The following PARVB variants were observed in gnomAD, a reference collection of about 807,000 sequenced individuals.
The protein encoded by PARVB is parvin beta.
In PARVB, 46 loss-of-function variants were observed where a neutral mutation model predicts 47.0. That is an observed-to-expected ratio of 0.98 (90% confidence interval 0.77 to 1.25). The LOEUF (loss-of-function observed/expected upper bound fraction) is 1.25. Ranked by LOEUF, PARVB falls within the 50% of genes most tolerant of loss-of-function variation. PARVB has a pLI of 0.00. For synonymous variants in PARVB, 196 were observed against 196.3 expected (o/e 1.00, Z 0.01); for missense variants, 473 against 471.6 (o/e 1.00, Z -0.03).
intron 1 of PARVB, among the ~76,000 whole-genome samples, chr22:44,085,446 A>G (rs1388328732): frequency 6.6e-6 from 1 of 152,094 alleles, no homozygotes; most frequent in East Asian, 1.9e-4. Flanking sequence ...CTGGGACTAC[A>G]GATTCACACC....
At chr22:44,073,437 T>A (rs2051697972) in intron 1 of PARVB, among the ~76,000 whole-genome samples, 1 of 152,160 alleles carries the variant, frequency 6.6e-6, no homozygotes, top group Admixed American at 6.5e-5. Context: ...GAGGTTGCGG[T>A]GAGCGGAGGT....
intron 5 of PARVB, 56 bp from the exon 6 acceptor site, chr22:44,132,838 C>T (rs2053357681): frequency 2.5e-6 from 3 of 1,192,190 alleles, no homozygotes; most frequent in South Asian, 2.5e-5. Flanking sequence ...TGCACGTGGG[C>T]TCAGGTTCCT....
chr22:44,130,972 G>A (rs1419737593), intron 4 of PARVB, among the ~76,000 whole-genome samples: 4 of 148,704 alleles, frequency 2.7e-5, no homozygotes, highest in Admixed American at 1.4e-4. Context: ...GCCCCGCTTC[G>A]GGGACCTCCT....
At chr22:44,028,483 G>A (rs1006811881) in intron 1 of PARVB, among the ~76,000 whole-genome samples, 8 of 152,094 alleles carry the variant, frequency 5.3e-5, no homozygotes, top group Admixed American at 5.2e-4. Context: ...GGGCTTGGTA[G>A]CTCATTCCTT....
At chr22:44,092,350 C>G (rs1345493442) in intron 1 of PARVB, among the ~76,000 whole-genome samples, 1 of 152,176 alleles carries the variant, frequency 6.6e-6, no homozygotes. Context: ...ACCTCGTGAT[C>G]CACCTGCCTC....
chr22:44,099,283 G>A (rs1268045932), intron 2 of PARVB, among the ~76,000 whole-genome samples: 3 of 152,146 alleles, frequency 2.0e-5, no homozygotes, highest in Non-Finnish European at 2.9e-5. Context: ...AGAGGTGCTC[G>A]GCGCCCGCTG....
Position 44,066,507 on chromosome 22 carries a change from T to C in PARVB, c.113-27421T>C, listed in dbSNP as rs115353745. Among the ~76,000 whole-genome samples, 1,085 of 152,274 alleles carry C rather than the reference T, an allele frequency of 7.1e-3. 14 individuals are homozygous for C. Among genetic ancestry groups the C allele is most frequent in the African/African-American group, 0.024 (1,000 of 41,546 alleles). On this transcript the variant is annotated intron_variant, in intron 1 of 12. Transcript: ENST00000338758. Reference sequence around the variant, plus strand: ...GTATTTATGCATGTATTGACTTTTCTCCCACTTTGATAGCTTGAAGGCAGG... The same window carrying C: ...GTATTTATGCATGTATTGACTTTTCCCCCACTTTGATAGCTTGAAGGCAGG...
chr22:44,057,091 C>T (rs1435063712), intron 1 of PARVB, among the ~76,000 whole-genome samples: 1 of 145,812 alleles, frequency 6.9e-6, no homozygotes, highest in Non-Finnish European at 1.5e-5. Context: ...CTCTCTCTCT[C>T]TTTTTTTTTT....
exon 1 of PARVB, chr22:43,999,231 G>T (rs1312290591): frequency 2.4e-6 from 2 of 843,720 alleles, no homozygotes; most frequent in Admixed American, 5.5e-5. Context: ...ACACTTTGAC[G>T]TCCTCCCCAT....
chr22:44,138,363 G>A (rs1000137112), intron 7 of PARVB, among the ~76,000 whole-genome samples: 1 of 152,120 alleles, frequency 6.6e-6, no homozygotes, highest in African/African-American at 2.4e-5. Context: ...ATATCAGATG[G>A]CCCTGAGCAG....
intron 2 of PARVB, among the ~76,000 whole-genome samples, chr22:44,004,402 C>T (rs956846947): frequency 6.6e-6 from 1 of 152,070 alleles, no homozygotes; most frequent in African/African-American, 2.4e-5. Context: ...GTGTGACCCC[C>T]CCCTTACTCT....
At chr22:44,142,546 T>C (rs6006676) in intron 8 of PARVB, 5,699 of 152,252 alleles carry the variant, frequency 0.037, 370 homozygotes, top group African/African-American at 0.13. Flanking sequence ...TGGGAGCACA[T>C]GGGCCTCAGG....
In PARVB at chr22:44,035,394, G is replaced by A. The variant is rs1438466306; in HGVS notation, c.112+10943G>A. On this transcript the variant is annotated intron_variant, in intron 1 of 12. Transcript: ENST00000338758. ...TTTTTTTTTTTTTTTTTTTTGAGAC[G>A]GAGTCTCGCTCTGTTGCCCAGGCTG... 3.0e-5 allele frequency among the ~76,000 whole-genome samples: 4 copies of A among 132,474 alleles called. No individual in the cohort carries two copies. The East Asian group carries it at 6.8e-4, about 23-fold the overall frequency. The allele number at this position is 132,474 out of a possible 152,430, so 86.9% of individuals were successfully genotyped here.
chr22:44,116,006 C>T (rs1481977378), intron 3 of PARVB: 1 of 142,938 alleles, frequency 7.0e-6, no homozygotes, highest in Admixed American at 7.2e-5. Context: ...CATCCCATTA[C>T]TAACTATGGA....
chr22:44,077,958 G>A (rs1212666972), intron 1 of PARVB, among the ~76,000 whole-genome samples: 9 of 152,034 alleles, frequency 5.9e-5, no homozygotes, highest in Admixed American at 3.3e-4. Context: ...TCAGCCTCCC[G>A]AAGTGCTGGG....
intron 2 of PARVB, among the ~76,000 whole-genome samples, chr22:44,005,594 C>G (rs1013889680): frequency 1.3e-5 from 2 of 152,044 alleles, no homozygotes; most frequent in African/African-American, 4.8e-5. Context: ...CTGATTTGCA[C>G]TGATTTCCTA....
intron 1 of PARVB, among the ~76,000 whole-genome samples, chr22:44,054,321 C>T (rs2051263754): frequency 6.6e-6 from 1 of 152,138 alleles, no homozygotes; most frequent in Admixed American, 6.5e-5. Context: ...CTCAAGTGAT[C>T]CTCCCACCTC....
chr22:44,096,854 A>G (rs1163285983), intron 2 of PARVB, among the ~76,000 whole-genome samples: 2 of 152,036 alleles, frequency 1.3e-5, no homozygotes, highest in African/African-American at 4.8e-5. Flanking sequence ...GCACAGAGAT[A>G]CCACCCTGGC....
upstream of PARVB, among the ~76,000 whole-genome samples, chr22:44,019,655 G>A (rs1603423437): frequency 6.6e-6 from 1 of 152,216 alleles, no homozygotes; most frequent in Non-Finnish European, 1.5e-5. Flanking sequence ...GGAGCCACAT[G>A]CACAGAGATT....
Sources: allele counts gnomAD v4.1 joint callset (sites outside exome capture counted in the v4.1 genomes callset), GRCh38; gene constraint gnomAD v4.1.1; transcripts MANE v1.5; gene names NCBI Gene and HGNC (gene_info 2026-07-23, HGNC 2026-07-21).